The following DPP6 variants were observed in gnomAD, a reference collection of about 807,000 sequenced individuals.
DPP6 encodes dipeptidyl peptidase like 6.
Under a neutral mutation model 122.6 loss-of-function variants are expected in DPP6, and 69 were observed. The observed-to-expected ratio is 0.56, with a 90% CI of 0.46 to 0.69. The LOEUF (loss-of-function observed/expected upper bound fraction) is 0.69, where lower values mean the gene tolerates loss of function less well. DPP6 is among the 30% of genes least tolerant of loss of function. The pLI is 0.00. For missense variants in DPP6, 928 were observed against 1,116.9 expected, an observed-to-expected ratio of 0.83 and a Z score of 2.41; for synonymous variants, 418 against 433.1, an observed-to-expected ratio of 0.97 and a Z score of 0.43.
In DPP6 at chr7:153,918,994, A is replaced by AAAG. The variant is rs1453276904; in HGVS notation, c.51+31262_51+31263insGAA. Among the ~76,000 whole-genome samples the AAAG allele has an allele frequency of 7.7e-4, 116 of 151,558 alleles. 1 individual carries two copies. Among genetic ancestry groups the AAAG allele is most frequent in the Non-Finnish European group, 1.4e-3 (93 of 67,868 alleles). On this transcript the variant is annotated intron_variant, in intron 1 of 25. Transcript: ENST00000404039. ...ACTCTGTCTCAAAAAAAAAAAAAAA[A>AAAG]AAAGAAAATTTGAGTAATAAAATCA...
chr7:153,824,033 C>T, the DPP6 span, among the ~76,000 whole-genome samples: 24 of 152,238 alleles, frequency 1.6e-4, no homozygotes, highest in African/African-American at 5.3e-4. Context: ...CACAGCTTTC[C>T]GTACCATTGG....
intron 8 of DPP6, among the ~76,000 whole-genome samples, chr7:154,752,819 AG>A: frequency 6.6e-6 from 1 of 152,206 alleles, no homozygotes; most frequent in East Asian, 1.9e-4. Context: ...CTGTTGGCCC[AG>A]GGGTAAATGT....
chr7:153,984,549 T>C lies in DPP6; in HGVS notation c.51+96815T>C, dbSNP rs1213050323. Among the ~76,000 whole-genome samples, 6 of 152,140 alleles carry C rather than the reference T, an allele frequency of 3.9e-5. No homozygotes were observed. In the East Asian group the frequency reaches 1.2e-3, roughly 29 times the overall value. Reference sequence around the variant, plus strand: ...GGAGCAGGTGCAACTTCAGGGGGAATTCTCTTATTTTTATTGCATAAAAAA... The same window carrying C: ...GGAGCAGGTGCAACTTCAGGGGGAACTCTCTTATTTTTATTGCATAAAAAA... On this transcript the variant is annotated intron_variant, in intron 1 of 25. Transcript: ENST00000404039.
intron 1 of DPP6, among the ~76,000 whole-genome samples, chr7:153,988,854 T>G (rs1585137804): frequency 6.6e-6 from 1 of 151,222 alleles, no homozygotes; most frequent in East Asian, 2.0e-4. Context: ...TTCCCAAGAC[T>G]TAAAAAACGA....
intron 16 of DPP6, among the ~76,000 whole-genome samples, chr7:154,825,344 C>T (rs1296226746): frequency 3.3e-5 from 5 of 152,170 alleles, no homozygotes; most frequent in Non-Finnish European, 5.9e-5. Context: ...TTAAATCTAC[C>T]TGTACTGAAT....
chr7:154,716,394 G>A (rs1364456005), intron 7 of DPP6, among the ~76,000 whole-genome samples: 9 of 152,052 alleles, frequency 5.9e-5, no homozygotes. Context: ...CCTACTTGTA[G>A]TCCCCTAAAT....
chr7:154,530,585 G>T lies in DPP6; in HGVS notation c.458-9947G>T, dbSNP rs114868591. Among the ~76,000 whole-genome samples, 769 of 152,204 alleles carry T rather than the reference G, an allele frequency of 5.1e-3. 4 individuals are homozygous for T. Among genetic ancestry groups the T allele is most frequent in the Middle Eastern group, 0.024 (7 of 294 alleles). Reference sequence around the variant, plus strand: ...CAACCATTATGGAAGACAGTGTGGCGATTCCTCAAGATCTAGAAGCAGAAA... The same window carrying T: ...CAACCATTATGGAAGACAGTGTGGCTATTCCTCAAGATCTAGAAGCAGAAA... On this transcript the variant is annotated intron_variant, in intron 3 of 25. Coordinates refer to ENST00000377770, the MANE Select transcript of DPP6 (RefSeq NM_130797.4).
intron 5 of DPP6, among the ~76,000 whole-genome samples, chr7:154,578,970 A>G (rs1012672174): frequency 6.6e-6 from 1 of 152,176 alleles, no homozygotes; most frequent in African/African-American, 2.4e-5. Flanking sequence ...TCACTCCATA[A>G]TCTAGCTCTC....
At chr7:154,737,084 A>ACT (rs919581324) in intron 8 of DPP6, among the ~76,000 whole-genome samples, 76 of 152,270 alleles carry the variant, frequency 5.0e-4, no homozygotes, top group African/African-American at 1.8e-3. Flanking sequence ...AGCTCATCAG[A>ACT]CTCTAGACCA....
In DPP6 at chr7:154,038,180, A is replaced by T. The variant is rs1351659312; in HGVS notation, c.51+150446A>T. Reference sequence around the variant, plus strand: ...AGCCTCATTCATTAGTTTGACAAATACTTGTTGCCCATCTCGAGTGTTCCA... The same window carrying T: ...AGCCTCATTCATTAGTTTGACAAATTCTTGTTGCCCATCTCGAGTGTTCCA... On this transcript the variant is annotated intron_variant, in intron 1 of 25. Coordinates refer to the DPP6 transcript ENST00000404039. Among the ~76,000 whole-genome samples, 3 of 149,644 alleles carry T rather than the reference A, an allele frequency of 2.0e-5. 1 individual carries two copies. Among genetic ancestry groups the T allele is most frequent in the African/African-American group, 7.7e-5 (3 of 39,100 alleles).
chr7:154,071,127 G>A (rs1051561359), intron 1 of DPP6, among the ~76,000 whole-genome samples: 14 of 152,144 alleles, frequency 9.2e-5, no homozygotes, highest in African/African-American at 3.1e-4. Context: ...GTCTCAATCA[G>A]GGTTTGCCAG....
chr7:154,882,298 G>A (rs1397687198), intron 21 of DPP6, among the ~76,000 whole-genome samples: 2 of 152,200 alleles, frequency 1.3e-5, no homozygotes, highest in Non-Finnish European at 2.9e-5. Context: ...ACTCAGCTCC[G>A]CCGAGGACAT....
At chr7:154,706,147 T>A (rs1368200320) in intron 7 of DPP6, among the ~76,000 whole-genome samples, 1 of 151,736 alleles carries the variant, frequency 6.6e-6, no homozygotes, top group Non-Finnish European at 1.5e-5. Context: ...GAGTCAGGAG[T>A]GTAACTTCTA....
chr7:154,515,285 T>C (rs80330805), intron 3 of DPP6, among the ~76,000 whole-genome samples: 1 of 152,156 alleles, frequency 6.6e-6, no homozygotes. Context: ...TTCTCTGGAA[T>C]ACCATGTGAT....
At chr7:154,775,600 C>A (rs377376309) in intron 10 of DPP6, among the ~76,000 whole-genome samples, 1 of 152,128 alleles carries the variant, frequency 6.6e-6, no homozygotes, top group African/African-American at 2.4e-5. Flanking sequence ...GGCCATAGAA[C>A]CATCGAGAAG....
chr7:153,872,079 T>C, the DPP6 span, among the ~76,000 whole-genome samples: 1 of 152,228 alleles, frequency 6.6e-6, no homozygotes, highest in Non-Finnish European at 1.5e-5. Context: ...CACTTGCCCT[T>C]CATTCTCTTT....
At chr7:154,291,849 C>A (rs1418076532) in intron 1 of DPP6, among the ~76,000 whole-genome samples, 1 of 152,150 alleles carries the variant, frequency 6.6e-6, no homozygotes, top group Non-Finnish European at 1.5e-5. Context: ...TAGGAATTTC[C>A]TATTAAACAT....
intron 4 of DPP6, among the ~76,000 whole-genome samples, chr7:154,562,049 T>G (rs973729843): frequency 1.3e-5 from 2 of 152,116 alleles, no homozygotes; most frequent in East Asian, 3.9e-4. Flanking sequence ...ACAAACTTAT[T>G]AGACAAATAG....
At chr7:153,887,874 C>CA (rs1799005873) in intron 1 of DPP6, 4 of 922,420 alleles carry the variant, frequency 4.3e-6, no homozygotes, top group African/African-American at 1.7e-5. Context: ...GCGCTTCTCC[C>CA]ACTTCCCACC....
Sources: allele counts gnomAD v4.1 joint callset (sites outside exome capture counted in the v4.1 genomes callset), GRCh38; gene constraint gnomAD v4.1.1; transcripts MANE v1.5; gene names NCBI Gene and HGNC (gene_info 2026-07-23, HGNC 2026-07-21).